Variants in NIPSNAP2 observed in about 807,000 individuals in gnomAD.
NIPSNAP2 encodes nipsnap homolog 2.
In NIPSNAP2, 42 loss-of-function variants were observed where a neutral mutation model predicts 48.4. That is an observed-to-expected ratio of 0.87 (90% CI 0.68 to 1.12). The LOEUF (loss-of-function observed/expected upper bound fraction) is 1.12, where lower values mean the gene tolerates loss of function less well. Among genes scored for constraint, NIPSNAP2 ranks in the 50% most tolerant of loss-of-function variants. The pLI, the probability that NIPSNAP2 is intolerant of heterozygous loss-of-function variation, is 0.00. For synonymous variants in NIPSNAP2, 158 were observed against 126.6 expected, an observed-to-expected ratio of 1.25 and a Z score of -1.67; for missense variants, 314 against 347.3, an observed-to-expected ratio of 0.90 and a Z score of 0.76.
intron 1 of NIPSNAP2, among the ~76,000 whole-genome samples, chr7:55,974,624 G>A (rs1029916383): frequency 1.3e-5 from 2 of 151,912 alleles, no homozygotes; most frequent in African/African-American, 4.8e-5. Context: ...CGAGGCAGGC[G>A]GATCATGAGG....
intron 7 of NIPSNAP2, among the ~76,000 whole-genome samples, chr7:55,985,714 C>G (rs1787313794): frequency 6.7e-6 from 1 of 150,214 alleles, no homozygotes; most frequent in Non-Finnish European, 1.5e-5. Flanking sequence ...CCACTGCACT[C>G]CAGCCTGGGC....
chr7:55,969,719 C>T (rs1490991661), intron 1 of NIPSNAP2, among the ~76,000 whole-genome samples: 1 of 152,052 alleles, frequency 6.6e-6, no homozygotes, highest in South Asian at 2.1e-4. Context: ...CGCGGTGGCT[C>T]ACGCCTGTAA....
At chr7:55,994,214 C>T (rs1401184625) in intron 7 of NIPSNAP2, among the ~76,000 whole-genome samples, 1 of 152,198 alleles carries the variant, frequency 6.6e-6, no homozygotes, top group East Asian at 1.9e-4. Context: ...CCTCGCTTCC[C>T]CTCTGAGGGT....
intron 3 of NIPSNAP2, chr7:55,980,988 T>TA (rs150990289): frequency 0.044 from 6,703 of 152,650 alleles, 179 homozygotes; most frequent in Admixed American, 0.062. Flanking sequence ...CTGCTCCTGT[T>TA]ACCTCTGCCT....
intron 9 of NIPSNAP2, among the ~76,000 whole-genome samples, chr7:55,998,045 C>T (rs929272906): frequency 1.1e-4 from 17 of 152,096 alleles, no homozygotes; most frequent in African/African-American, 1.7e-4. Flanking sequence ...TCAGGCCGGG[C>T]GCAGTGGCTC....
chr7:55,993,727 AAG>A (rs1787496914), intron 7 of NIPSNAP2, among the ~76,000 whole-genome samples: 1 of 152,016 alleles, frequency 6.6e-6, no homozygotes, highest in Admixed American at 6.6e-5. Context: ...GAGACAGAGG[AAG>A]ACTGTTTCAA....
At chr7:55,982,553 C>T (rs1307813603) in intron 5 of NIPSNAP2, among the ~76,000 whole-genome samples, 1 of 148,404 alleles carries the variant, frequency 6.7e-6, no homozygotes, top group African/African-American at 2.5e-5. Context: ...TTGAGACCAT[C>T]CTGGCTTACA....
intron 6 of NIPSNAP2, 22 bp from the exon 7 acceptor site, chr7:55,984,825 C>T: frequency 6.3e-7 from 1 of 1,597,824 alleles, no homozygotes; most frequent in African/African-American, 1.4e-5. Context: ...AACTAACAAA[C>T]CAAATCTAAA....
chr7:55,982,812 A>T (rs973457524), intron 5 of NIPSNAP2, among the ~76,000 whole-genome samples: 1 of 151,532 alleles, frequency 6.6e-6, no homozygotes, highest in Non-Finnish European at 1.5e-5. Flanking sequence ...TTTGAAACTG[A>T]TAAGGTGGTA....
At chr7:55,975,130 A>T (rs1215217557) in intron 1 of NIPSNAP2, among the ~76,000 whole-genome samples, 1 of 151,702 alleles carries the variant, frequency 6.6e-6, no homozygotes, top group Admixed American at 6.6e-5. Context: ...AGGCAGGAGG[A>T]TCGCTTGAGG....
chr7:55,997,524 A>T (rs1352209809), intron 9 of NIPSNAP2, 75 bp downstream of exon 9: 16 of 1,186,614 alleles, frequency 1.3e-5, no homozygotes, highest in African/African-American at 3.0e-5. Flanking sequence ...TGACACTAAT[A>T]GGTGGGTTTT....
chr7:55,999,014 T>G lies in NIPSNAP2; in HGVS notation c.803T>G (p.Leu268Arg). 6.2e-7 allele frequency: 1 copy of G among 1,613,998 alleles called. No homozygotes were observed. The highest frequency in any genetic ancestry group is 8.5e-7 in the Non-Finnish European group (1 of 1,179,854). Residue 268 changes from leucine (L) to arginine (R), a missense_variant, in exon 10 of 10, where the codon CTT (leucine) becomes CGT (arginine). By Grantham distance (102) the Leu-to-Arg change is moderately radical (BLOSUM62 -2). Coordinates refer to ENST00000322090, the MANE Select transcript of NIPSNAP2 (RefSeq NM_001483.3). The stretch of plus-strand genomic sequence containing the variant: ...ACCCTGATCTTGTTTTCAGTTCCAC[T>G]TATTCAGGAAATGGAATCCAGAATC... ...WEELVYYTVP[L>R]IQEMESRIMI...
rs1026673197 is a variant in NIPSNAP2, at chr7:55,982,410, A to C, written c.444+130A>C. The C allele has an allele frequency of 1.3e-5, 8 of 617,070 alleles. No homozygotes were observed. The African/African-American group carries it at 1.3e-4, about 10-fold the overall frequency. The allele number at this position is 617,070 out of a possible 1,614,324, so 38.2% of individuals were successfully genotyped here. A position where few individuals can be genotyped will look rare whatever the true frequency, so the allele number is the denominator to read the frequency against. On this transcript the variant is annotated intron_variant, in intron 5 of 9. Transcript: ENST00000322090. ...TTGTAACAGAAATTTTATTGTTTGG[A>C]CTCCTGAAGTTGTATTTAAACATAA...
At chr7:55,973,977 C>CA (rs1207967181) in intron 1 of NIPSNAP2, among the ~76,000 whole-genome samples, 1 of 152,116 alleles carries the variant, frequency 6.6e-6, no homozygotes, top group Non-Finnish European at 1.5e-5. Context: ...GCAATCTCAG[C>CA]ACTCTGGGAG....
intron 1 of NIPSNAP2, among the ~76,000 whole-genome samples, chr7:55,965,925 A>G (rs770764139): frequency 2.0e-5 from 3 of 152,164 alleles, no homozygotes; most frequent in Non-Finnish European, 2.9e-5. Context: ...AGGGGGCAGA[A>G]TTAAGGGTAG....
chr7:55,990,406 GT>G (rs1787419298), intron 7 of NIPSNAP2, among the ~76,000 whole-genome samples: 1 of 151,652 alleles, frequency 6.6e-6, no homozygotes, highest in African/African-American at 2.4e-5. Flanking sequence ...TTTTTTGTGT[GT>G]TTTTTAGTAG....
In NIPSNAP2 at chr7:55,966,183, G is replaced by T. The variant is rs192895569; in HGVS notation, c.92+1482G>T. Among the ~76,000 whole-genome samples, 13 of 152,332 alleles carry T rather than the reference G, an allele frequency of 8.5e-5. No individual in the cohort carries two copies. In the East Asian group the frequency reaches 2.5e-3, roughly 29 times the overall value. ...ATTCAAGTGGAAACGCAAACAGACAGTTGGCAGTATGACTCCTCAAAGGAG... is the reference window on the plus strand; with the variant it reads ...ATTCAAGTGGAAACGCAAACAGACATTTGGCAGTATGACTCCTCAAAGGAG... On this transcript the variant is annotated intron_variant, in intron 1 of 9. Coordinates refer to ENST00000322090, the MANE Select transcript of NIPSNAP2 (RefSeq NM_001483.3).
At chr7:55,973,717 C>T (rs1000598526) in intron 1 of NIPSNAP2, among the ~76,000 whole-genome samples, 1 of 151,584 alleles carries the variant, frequency 6.6e-6, no homozygotes, top group African/African-American at 2.4e-5. Context: ...CTCCTGACCT[C>T]AGGTGATCCA....
At chr7:55,984,735 A>T (rs1787291327) in intron 6 of NIPSNAP2, 112 bp from the exon 7 acceptor site, 65 of 732,430 alleles carry the variant, frequency 8.9e-5, no homozygotes, top group Non-Finnish European at 1.2e-4. Context: ...AAAAAAAAAA[A>T]GGTTTTTTGA....
Sources: gnomAD v4.1 joint callset for allele counts (sites outside exome capture counted in the v4.1 genomes callset) on GRCh38, gnomAD v4.1.1 for gene constraint, MANE v1.5 for transcripts, NCBI Gene and HGNC (gene_info 2026-07-23, HGNC 2026-07-21) for gene names.